KCNIP1: variants seen among roughly 807,000 people sequenced by gnomAD.
KCNIP1 encodes potassium voltage-gated channel interacting protein 1.
A neutral mutation model predicts 33.0 loss-of-function variants in KCNIP1; 18 were observed. The observed-to-expected ratio is 0.55, with a 90% confidence interval of 0.38 to 0.81. The LOEUF is 0.81. Ranked by LOEUF, KCNIP1 falls within the 30% of genes least tolerant of loss-of-function variation. The pLI is 0.00. For synonymous variants in KCNIP1, 93 were observed against 98.3 expected (o/e 0.95, Z 0.32); for missense variants, 238 against 271.6 (o/e 0.88, Z 0.87).
chr5:170,426,903 C>T (rs934033997), intron 1 of KCNIP1, among the ~76,000 whole-genome samples: 1 of 152,384 alleles, frequency 6.6e-6, no homozygotes, highest in East Asian at 1.9e-4. Flanking sequence ...AAAACCACCC[C>T]ATGTGCAGCC....
At chr5:170,721,101 C>T (rs961276782) in intron 3 of KCNIP1, among the ~76,000 whole-genome samples, 1 of 152,218 alleles carries the variant, frequency 6.6e-6, no homozygotes, top group Non-Finnish European at 1.5e-5. Context: ...TCCTGCAAGA[C>T]ATCTTCCCTG....
At chr5:170,476,506 C>T (rs549637591) in intron 1 of KCNIP1, among the ~76,000 whole-genome samples, 1 of 152,286 alleles carries the variant, frequency 6.6e-6, no homozygotes, top group East Asian at 1.9e-4. Context: ...TAAAAGCACA[C>T]TGTTGATAAA....
At chr5:170,602,961 G>T (rs566433188) in intron 1 of KCNIP1, among the ~76,000 whole-genome samples, 47 of 152,350 alleles carry the variant, frequency 3.1e-4, no homozygotes, top group Admixed American at 3.1e-3. Flanking sequence ...GGCCCCGAGT[G>T]AGCCAGCTGG....
intron 1 of KCNIP1, among the ~76,000 whole-genome samples, chr5:170,547,281 T>G (rs1381190272): frequency 6.6e-6 from 1 of 152,232 alleles, no homozygotes; most frequent in African/African-American, 2.4e-5. Flanking sequence ...CTCTAGCTTG[T>G]TTTATTTATA....
intron 1 of KCNIP1, among the ~76,000 whole-genome samples, chr5:170,434,204 A>G (rs1002600730): frequency 3.3e-5 from 5 of 152,152 alleles, no homozygotes; most frequent in African/African-American, 9.7e-5. Context: ...TACCTCCCTC[A>G]TAAGTTTCTT....
chr5:170,551,785 G>A (rs1164275272), intron 1 of KCNIP1, among the ~76,000 whole-genome samples: 1 of 150,006 alleles, frequency 6.7e-6, no homozygotes, highest in African/African-American at 2.4e-5. Flanking sequence ...ATGTGAGTGT[G>A]TGTATGTTCA....
intron 1 of KCNIP1, among the ~76,000 whole-genome samples, chr5:170,679,863 G>A (rs1012532086): frequency 1.3e-5 from 2 of 151,938 alleles, no homozygotes; most frequent in African/African-American, 2.4e-5. Context: ...TCTCACCGAT[G>A]AGCATGTAAG....
At chr5:170,495,126 C>T (rs1450142195) in intron 1 of KCNIP1, among the ~76,000 whole-genome samples, 4 of 152,188 alleles carry the variant, frequency 2.6e-5, no homozygotes, top group Non-Finnish European at 5.9e-5. Flanking sequence ...GTTCAGGATG[C>T]CCCATCCCCA....
intron 1 of KCNIP1, among the ~76,000 whole-genome samples, chr5:170,426,554 T>A (rs1477995527): frequency 6.6e-6 from 1 of 152,194 alleles, no homozygotes; most frequent in African/African-American, 2.4e-5. Flanking sequence ...TGGGACTCAG[T>A]TTTACCAGTC....
intron 1 of KCNIP1, among the ~76,000 whole-genome samples, chr5:170,537,782 G>A (rs1268876883): frequency 5.3e-5 from 8 of 152,174 alleles, no homozygotes; most frequent in African/African-American, 1.9e-4. Context: ...GGTGCTGAGG[G>A]CACCCACTGC....
chr5:170,716,686 A>T (rs1015197610), intron 1 of KCNIP1, among the ~76,000 whole-genome samples: 3 of 152,230 alleles, frequency 2.0e-5, no homozygotes, highest in African/African-American at 7.2e-5. Context: ...TGGGTTTAAT[A>T]GTTGATATCT....
intron 1 of KCNIP1, among the ~76,000 whole-genome samples, chr5:170,412,641 A>G (rs955191135): frequency 7.2e-5 from 11 of 152,204 alleles, no homozygotes; most frequent in Admixed American, 5.2e-4. Context: ...AGGTCCTTGC[A>G]GTGCTGTCTT....
At chr5:170,721,975 T>C (rs901846323) in intron 4 of KCNIP1, 72 bp downstream of exon 4, 122 of 1,552,822 alleles carry the variant, frequency 7.9e-5, no homozygotes, top group South Asian at 4.1e-4. Flanking sequence ...TCTCAAGGCA[T>C]TGGGGGAAGG....
intron 1 of KCNIP1, among the ~76,000 whole-genome samples, chr5:170,360,353 G>A (rs566794593): frequency 4.9e-4 from 75 of 152,336 alleles, no homozygotes; most frequent in Middle Eastern, 6.8e-3. Context: ...TGCACCAACA[G>A]GACAGCCTTG....
chr5:170,731,550 C>A (rs1764193028), intron 5 of KCNIP1, among the ~76,000 whole-genome samples: 1 of 151,922 alleles, frequency 6.6e-6, no homozygotes, highest in Non-Finnish European at 1.5e-5. Flanking sequence ...AAAAAATTAG[C>A]CAGGTGTGGT....
chr5:170,613,470 A>G (rs900934080), intron 1 of KCNIP1, among the ~76,000 whole-genome samples: 2 of 152,200 alleles, frequency 1.3e-5, no homozygotes, highest in African/African-American at 4.8e-5. Flanking sequence ...CCTACTTGAA[A>G]GATTAAGCAA....
At chr5:170,671,200 A>G (rs530731638) in intron 1 of KCNIP1, among the ~76,000 whole-genome samples, 1 of 152,316 alleles carries the variant, frequency 6.6e-6, no homozygotes, top group African/African-American at 2.4e-5. Flanking sequence ...CAGGCTAGAC[A>G]AATCCTTAAC....
intron 1 of KCNIP1, among the ~76,000 whole-genome samples, chr5:170,640,201 C>T (rs1261645770): frequency 2.0e-5 from 3 of 152,234 alleles, no homozygotes; most frequent in African/African-American, 7.2e-5. Flanking sequence ...GATGTGAGAA[C>T]CAGAGCTGCT....
intron 1 of KCNIP1, among the ~76,000 whole-genome samples, chr5:170,453,561 G>T (rs1327002719): frequency 1.3e-5 from 2 of 152,200 alleles, no homozygotes; most frequent in Non-Finnish European, 2.9e-5. Flanking sequence ...TTGCCAATCA[G>T]CTCTGCCTTC....
Sources: allele counts gnomAD v4.1 joint callset (sites outside exome capture counted in the v4.1 genomes callset), GRCh38; gene constraint gnomAD v4.1.1; transcripts MANE v1.5; gene names NCBI Gene and HGNC (gene_info 2026-07-23, HGNC 2026-07-21).